Variants in ABCF1 observed in about 807,000 individuals in gnomAD.
The protein encoded by ABCF1 is ATP-binding cassette sub-family F member 1.
In ABCF1, 73 loss-of-function variants were observed where a neutral mutation model predicts 126.3. The observed-to-expected ratio is 0.58, with a 90% confidence interval of 0.48 to 0.70. ABCF1 has a LOEUF of 0.70. Ranked by LOEUF, ABCF1 falls within the 30% of genes least tolerant of loss-of-function variation. The pLI, the probability that ABCF1 is intolerant of heterozygous loss-of-function variation, is 0.00. For synonymous variants in ABCF1, 345 were observed against 396.4 expected (o/e 0.87, Z 1.54); for missense variants, 786 against 1,057.5 (o/e 0.74, Z 3.56).
chr6:30,585,512 C>T (rs1324844483), intron 15 of ABCF1, 46 bp from the exon 16 acceptor site: 1 of 1,611,668 alleles, frequency 6.2e-7, no homozygotes, highest in South Asian at 1.1e-5. Flanking sequence ...TGAATTCTCT[C>T]TCACTTGACC....
At chr6:30,581,097 A>T (rs922479098) in intron 8 of ABCF1, among the ~76,000 whole-genome samples, 94 of 151,452 alleles carry the variant, frequency 6.2e-4, no homozygotes, top group African/African-American at 2.2e-3. Context: ...AATTATTTTT[A>T]TAAAGTTCAG....
At position 30,591,020 on chromosome 6, in the gene ABCF1, C is replaced by G. The variant is rs1802426035; in HGVS notation, c.*319C>G. On this transcript the variant is annotated 3_prime_UTR_variant, in exon 25 of 25. Transcript: ENST00000326195. ...TTATGTGGCCTATTGTCTCAGGACT[C>G]TCATCACTCAGAAGCCTGCCTCTGA... 1.3e-5 allele frequency: 4 copies of G among 311,072 alleles called. No individual in the cohort carries two copies. In the Admixed American group the frequency reaches 1.9e-4, roughly 15 times the overall value. The allele number at this position is 311,072 out of a possible 1,614,324, so 19.3% of individuals were successfully genotyped here. A position where few individuals can be genotyped will look rare whatever the true frequency, so the allele number is the denominator to read the frequency against.
At position 30,586,036 on chromosome 6, in the gene ABCF1, C is replaced by T. The variant is rs771538369; in HGVS notation, c.1713+45C>T. 6.3e-7 allele frequency: 1 copy of T among 1,591,304 alleles called. No individual in the cohort carries two copies. The highest frequency in any genetic ancestry group is 2.2e-5 in the East Asian group (1 of 44,484). On this transcript the variant is annotated intron_variant, in intron 17 of 24. Transcript: ENST00000326195. This position sits in a 1 kb window ranked among gnomAD's most constrained non-coding sequence, Gnocchi z 4.9. Reference sequence around the variant, plus strand: ...CTGGGCTGGGGGCCACTGTTCTCTCCTGGCAGTGGAGGAAGAAGGAGACTC... The same window carrying T: ...CTGGGCTGGGGGCCACTGTTCTCTCTTGGCAGTGGAGGAAGAAGGAGACTC...
intron 1 of ABCF1, among the ~76,000 whole-genome samples, chr6:30,572,657 C>G (rs780512270): frequency 1.2e-4 from 19 of 152,252 alleles, no homozygotes; most frequent in Middle Eastern, 3.4e-3. Flanking sequence ...GCATGCACCA[C>G]CACACCTTAT....
intron 3 of ABCF1, 70 bp from the exon 4 acceptor site, chr6:30,578,006 A>G: frequency 6.2e-7 from 1 of 1,613,628 alleles, no homozygotes; most frequent in Non-Finnish European, 8.5e-7. Context: ...CTGATGGGGA[A>G]CCCTCTGTGA....
chr6:30,581,398 C>CTTTTTTTT (rs71552010), intron 8 of ABCF1, among the ~76,000 whole-genome samples: 10 of 84,860 alleles, frequency 1.2e-4, no homozygotes, highest in Non-Finnish European at 1.7e-4. Context: ...GCTTCCTGAT[C>CTTTTTTTT]TTTTTTTTTT....
chr6:30,580,613 C>T lies in ABCF1; in HGVS notation c.678+94C>T, dbSNP rs143485409. On this transcript the variant is annotated intron_variant, in intron 8 of 24. Coordinates refer to ENST00000326195, the MANE Select transcript of ABCF1 (RefSeq NM_001025091.2). ...AGAATCTGGGGATATAGTTATTATCCCAGCAAACCTTTATTCTTTTCTTTT... is the reference window on the plus strand; with the variant it reads ...AGAATCTGGGGATATAGTTATTATCTCAGCAAACCTTTATTCTTTTCTTTT... 10 of 734,510 alleles carry T rather than the reference C, an allele frequency of 1.4e-5. No homozygotes were observed. The African/African-American group carries it at 1.9e-4, about 14-fold the overall frequency. 45.5% of individuals were successfully genotyped at this position (734,510 alleles called of 1,614,324 possible).
At chr6:30,588,061 C>T (rs1219298571) in intron 20 of ABCF1, among the ~76,000 whole-genome samples, 1 of 152,008 alleles carries the variant, frequency 6.6e-6, no homozygotes, top group African/African-American at 2.4e-5. Flanking sequence ...CCCCACCATG[C>T]CCAGCTACTT....
In ABCF1 at chr6:30,574,179, C is replaced by G. The variant is rs1419212262; in HGVS notation, c.73+2619C>G. 6.6e-6 allele frequency among the ~76,000 whole-genome samples: 1 copy of G among 151,748 alleles called. No homozygotes were observed. Among genetic ancestry groups the G allele is most frequent in the African/African-American group, 2.4e-5 (1 of 41,332 alleles). ...TTTTTTTTGTGACGGAGCCTCACTC[C>G]AGGCTGGAGTGCAGTGGCGCGATCT... On this transcript the variant is annotated intron_variant, in intron 1 of 24. Coordinates refer to ENST00000326195, the MANE Select transcript of ABCF1 (RefSeq NM_001025091.2). The surrounding 1 kb of genome is among the most constrained non-coding windows in gnomAD (Gnocchi z 4.3).
At chr6:30,579,860 T>G in intron 6 of ABCF1, 71 bp from the exon 7 acceptor site, 1 of 1,489,692 alleles carries the variant, frequency 6.7e-7, no homozygotes, top group East Asian at 2.3e-5. Flanking sequence ...TCTCTAGAAA[T>G]GCTTATTACA....
At chr6:30,577,786 CAT>C (rs1801580310) in intron 2 of ABCF1, 30 bp from the exon 3 acceptor site, 2 of 1,607,842 alleles carry the variant, frequency 1.2e-6, no homozygotes, top group East Asian at 2.2e-5. Context: ...CTCTTGGAAA[CAT>C]GTTTACCTGT....
In ABCF1 at chr6:30,587,775, G is replaced by A. The variant is rs925614319; in HGVS notation, c.2031+1064G>A. Among the ~76,000 whole-genome samples, 4 of 151,848 alleles carry A rather than the reference G, an allele frequency of 2.6e-5. No individual in the cohort carries two copies. In the South Asian group the frequency reaches 8.3e-4, roughly 31 times the overall value. On this transcript the variant is annotated intron_variant, in intron 20 of 24. Coordinates refer to ENST00000326195, the MANE Select transcript of ABCF1 (RefSeq NM_001025091.2). ...GAGGTAGGAGAATTGCTTGAGTCCA[G>A]GGGGCAGAGGTTCCAGTTAGCCGAG...
chr6:30,571,587 G>A (rs1159380084), intron 1 of ABCF1, 27 bp downstream of exon 1: 2 of 1,602,176 alleles, frequency 1.2e-6, no homozygotes, highest in Admixed American at 3.4e-5. Flanking sequence ...AGGAAGAAAC[G>A]AGCAGAGGGG....
chr6:30,577,876 A>T lies in ABCF1; in HGVS notation c.179A>T (p.Lys60Met). ...KQAGEEEKVL[K>M]EKEQQQQQQQ... The stretch of plus-strand genomic sequence containing the variant: ...GCTGGGGAAGAAGAGAAAGTGCTCA[A>T]GGAGAAGGAGCAGCAGCAGCAGCAA... Residue 60 changes from lysine (K) to methionine (M), a missense_variant, in exon 3 of 25, where the codon AAG becomes ATG. Physicochemically the swap from Lys to Met is moderately conservative, Grantham distance 95 (BLOSUM62 -1). This residue lies in a region of ABCF1 where 322 missense variants were observed against 322.9 expected (regional missense o/e 1.00). Transcript: ENST00000326195. The T allele has an allele frequency of 6.2e-7, 1 of 1,613,996 alleles. No individual in the cohort carries two copies. Among genetic ancestry groups the T allele is most frequent in the Admixed American group, 1.7e-5 (1 of 59,996 alleles).
rs976177706 is a variant in ABCF1, at chr6:30,583,316, C to T, written c.915+128C>T. On this transcript the variant is annotated intron_variant, in intron 10 of 24. Transcript: ENST00000326195. This position sits in a 1 kb window ranked among gnomAD's most constrained non-coding sequence, Gnocchi z 4.1. ...GAAGAAAGATTGGAGGCATTTTCCA[C>T]ACCTTAGGTTCTGCCAACTTGAGCA... is the stretch of plus-strand genomic sequence containing the variant. 4.5e-6 allele frequency: 6 copies of T among 1,328,612 alleles called. No individual in the cohort carries two copies. Among genetic ancestry groups the T allele is most frequent in the African/African-American group, 2.9e-5 (2 of 67,852 alleles). The allele number at this position is 1,328,612 out of a possible 1,614,324, so 82.3% of individuals were successfully genotyped here.
chr6:30,576,964 A>C (rs1001954979), intron 1 of ABCF1, among the ~76,000 whole-genome samples: 2 of 152,026 alleles, frequency 1.3e-5, no homozygotes, highest in African/African-American at 4.8e-5. Context: ...CATACTCCTC[A>C]TTACTTCAGT....
At chr6:30,577,574 A>G in intron 2 of ABCF1, 119 bp downstream of exon 2, 1 of 1,284,592 alleles carries the variant, frequency 7.8e-7, no homozygotes, top group Non-Finnish European at 1.1e-6. Flanking sequence ...AAGAGAGGAG[A>G]TAGGCAGGGC....
chr6:30,582,989 A>C, intron 9 of ABCF1, 77 bp from the exon 10 acceptor site: 1 of 1,546,768 alleles, frequency 6.5e-7, no homozygotes, highest in Middle Eastern at 1.7e-4. Flanking sequence ...CAGCATGCCC[A>C]GCCAGCATGG....
chr6:30,586,724 G>A lies in ABCF1; in HGVS notation c.2031+13G>A, dbSNP rs774072022. On this transcript the variant is annotated intron_variant, in intron 20 of 24. Coordinates refer to ENST00000326195, the MANE Select transcript of ABCF1 (RefSeq NM_001025091.2). This position sits in a 1 kb window ranked among gnomAD's most constrained non-coding sequence, Gnocchi z 4.9. Reference sequence around the variant, plus strand: ...CAAGCTGACACCGGTGAGTCCTGGAGCCAAGGAGGGAGAGCATGAGAAATG... The same window carrying A: ...CAAGCTGACACCGGTGAGTCCTGGAACCAAGGAGGGAGAGCATGAGAAATG... 5.0e-6 allele frequency: 8 copies of A among 1,613,650 alleles called. No homozygotes were observed. In the South Asian group the frequency reaches 8.8e-5, roughly 18 times the overall value.
Sources: gnomAD v4.1 joint callset for allele counts (sites outside exome capture counted in the v4.1 genomes callset) on GRCh38, gnomAD v4.1.1 for gene constraint, gnomAD v4.1.1 regional missense constraint, Gnocchi (gnomAD v3.1) non-coding constraint, MANE v1.5 for transcripts, NCBI Gene and HGNC (gene_info 2026-07-23, HGNC 2026-07-21) for gene names.